The following DCHS2 variants were observed in gnomAD, a reference collection of about 807,000 sequenced individuals.
DCHS2 encodes dachsous cadherin-related 2.
A neutral mutation model predicts 182.4 loss-of-function variants in DCHS2; 142 were observed. That is an observed-to-expected ratio of 0.78 (90% confidence interval 0.68 to 0.89). The LOEUF (loss-of-function observed/expected upper bound fraction) is 0.89. Among genes scored for constraint, DCHS2 ranks in the 40% least tolerant of loss-of-function variants. DCHS2 has a pLI of 0.00. For missense variants in DCHS2, 4,319 were observed against 4,198.6 expected, an observed-to-expected ratio of 1.03 and a Z score of -0.79; for synonymous variants, 1,740 against 1,663.3, an observed-to-expected ratio of 1.05 and a Z score of -1.12.
intron 13 of DCHS2, among the ~76,000 whole-genome samples, chr4:154,295,014 A>G (rs919823226): frequency 6.6e-6 from 1 of 152,232 alleles, no homozygotes; most frequent in Non-Finnish European, 1.5e-5. Context: ...ACTGTAATCC[A>G]CATAACAATC....
In DCHS2 at chr4:154,235,542, T is replaced by C. The variant is rs1731432649; in HGVS notation, c.9110A>G (p.Asp3037Gly). ...ATCCCGGGTCACTCTCAAGTCCGCA[T>C]CTAAAGATGAGGTTTTCTTCTCCTC... ...NYEEKKTSSL[D>G]ADLRVTRDAS... Residue 3037 changes from aspartate (D) to glycine (G), a missense_variant, in exon 20 of 20, where the codon GAT becomes GGT. Transcript: ENST00000357232. The C allele has an allele frequency of 1.2e-6, 2 of 1,613,978 alleles. No homozygotes were observed. The highest frequency in any genetic ancestry group is 2.2e-5 in the East Asian group (1 of 44,884).
At chr4:154,362,161 A>G (rs1730153817) in intron 3 of DCHS2, among the ~76,000 whole-genome samples, 2 of 152,332 alleles carry the variant, frequency 1.3e-5, no homozygotes, top group Non-Finnish European at 2.9e-5. Context: ...CCCATTGTCA[A>G]GGCCAGACAG....
chr4:154,297,939 GA>G lies in DCHS2; in HGVS notation c.6374del (p.Leu2125ProfsTer11), dbSNP rs1427217856. The G allele has an allele frequency of 1.9e-5, 31 of 1,613,992 alleles. No individual in the cohort carries two copies. The highest frequency in any genetic ancestry group is 2.2e-5 in the Non-Finnish European group (26 of 1,180,004). On this transcript the variant is annotated frameshift_variant, in exon 13 of 20. Coordinates refer to ENST00000357232, the MANE Select transcript of DCHS2 (RefSeq NM_001358235.2). LOFTEE classifies it high-confidence loss of function. ...CTTCTCCTTCCATGTGAATGACCAA[GA>G]GACCCGTGGTTGTCCTGGCTGGAAT... ...QGIPARTTTG[L>X]LVIHMEGEDV... is the part of the protein sequence containing the mutation.
At chr4:154,317,005 AAG>A (rs1373342210) in intron 9 of DCHS2, among the ~76,000 whole-genome samples, 4 of 152,208 alleles carry the variant, frequency 2.6e-5, no homozygotes, top group Non-Finnish European at 4.4e-5. Context: ...GAAATAATGA[AAG>A]AAGTTTACGG....
At chr4:154,313,646 A>G (rs1026056647) in intron 10 of DCHS2, among the ~76,000 whole-genome samples, 1 of 152,188 alleles carries the variant, frequency 6.6e-6, no homozygotes, top group African/African-American at 2.4e-5. Flanking sequence ...AAAAAAAAAG[A>G]TTGAGGGAAA....
intron 14 of DCHS2, among the ~76,000 whole-genome samples, chr4:154,268,244 A>C (rs1733396795): frequency 6.8e-6 from 1 of 146,690 alleles, no homozygotes; most frequent in Non-Finnish European, 1.5e-5. Context: ...CCCCCCAAAA[A>C]AATAACGCTT....
intron 7 of DCHS2, among the ~76,000 whole-genome samples, chr4:154,324,454 C>G (rs1736199551): frequency 6.6e-6 from 1 of 152,196 alleles, no homozygotes; most frequent in Non-Finnish European, 1.5e-5. Flanking sequence ...ATTAGAGGTG[C>G]TCATCGTTTC....
intron 1 of DCHS2, among the ~76,000 whole-genome samples, chr4:154,442,430 T>A (rs907724271): frequency 1.3e-4 from 19 of 151,828 alleles, no homozygotes; most frequent in African/African-American, 3.9e-4. Flanking sequence ...TGACTGTACC[T>A]TGAATAATCC....
chr4:154,438,580 C>T (rs761785168), intron 1 of DCHS2, among the ~76,000 whole-genome samples: 2 of 152,106 alleles, frequency 1.3e-5, no homozygotes, highest in African/African-American at 2.4e-5. Context: ...ACTAGATTTG[C>T]GCTAACATCG....
chr4:154,235,810 G>A lies in DCHS2; in HGVS notation c.8842C>T (p.Leu2948Phe), dbSNP rs761858028. The change falls in exon 20 of 20, where the codon CTC becomes TTC. Residue 2948 changes from leucine (L) to phenylalanine (F), a missense_variant. Coordinates refer to ENST00000357232, the MANE Select transcript of DCHS2 (RefSeq NM_001358235.2). ...ATTTCCAAGGTGTCTTCTTTGTTGA[G>A]TTGACTTTTTATTAGGGGAAGGGCT... is the stretch of plus-strand genomic sequence containing the variant. The part of the protein sequence containing the change: ...IRALPLIKSQ[L>F]NKEDTLEMKI... The A allele has an allele frequency of 6.2e-6, 10 of 1,613,638 alleles. No individual in the cohort carries two copies. The South Asian group carries it at 9.9e-5, about 16-fold the overall frequency.
intron 13 of DCHS2, among the ~76,000 whole-genome samples, chr4:154,282,469 C>T (rs1734190570): frequency 6.6e-6 from 1 of 151,506 alleles, no homozygotes; most frequent in Non-Finnish European, 1.5e-5. Context: ...TTACCTTATA[C>T]CCATTAGGAT....
chr4:154,302,969 C>A (rs7686835), intron 12 of DCHS2, among the ~76,000 whole-genome samples: 7,187 of 21,248 alleles, frequency 0.34, 507 homozygotes, highest in South Asian at 0.42. Flanking sequence ...ACACACACAC[C>A]CACACACACA....
intron 14 of DCHS2, among the ~76,000 whole-genome samples, chr4:154,260,044 G>A (rs1003637694): frequency 3.3e-5 from 5 of 152,060 alleles, no homozygotes; most frequent in South Asian, 4.1e-4. Flanking sequence ...GTCTGGTCTC[G>A]AACTCCTGAC....
At chr4:154,423,216 TG>T (rs1733181996) in intron 1 of DCHS2, among the ~76,000 whole-genome samples, 2 of 152,370 alleles carry the variant, frequency 1.3e-5, no homozygotes, top group Admixed American at 6.5e-5. Context: ...TCCAGTCCAC[TG>T]GCCTAGCCCA....
chr4:154,272,938 T>C (rs138103017), intron 13 of DCHS2, among the ~76,000 whole-genome samples: 216 of 152,272 alleles, frequency 1.4e-3, no homozygotes, highest in African/African-American at 3.6e-3. Flanking sequence ...GCCTCCTGTT[T>C]ACTACTCACA....
chr4:154,259,527 C>A lies in DCHS2; in HGVS notation c.6789+18G>T, dbSNP rs769096694. 3.9e-5 allele frequency: 62 copies of A among 1,606,578 alleles called. No individual in the cohort carries two copies. The highest frequency in any genetic ancestry group is 4.8e-5 in the Non-Finnish European group (57 of 1,178,672). On this transcript the variant is annotated intron_variant, in intron 15 of 19. Coordinates refer to ENST00000357232, the MANE Select transcript of DCHS2 (RefSeq NM_001358235.2). ...ACACACACACACACACACACACACA[C>A]AAATATATTTCTGTTACCTGTATGA...
Position 154,333,497 on chromosome 4 carries a change from G to C in DCHS2, c.2714-3C>G. On this transcript the variant is annotated splice_polypyrimidine_tract_variant and splice_region_variant and intron_variant, in intron 4 of 19. Coordinates refer to ENST00000357232, the MANE Select transcript of DCHS2 (RefSeq NM_001358235.2). Reference sequence around the variant, plus strand: ...GTAAAAGATTGGTTCTGAGGAGTCTGAAAAAGAGAGAGGGGACAACCACTG... The same window carrying C: ...GTAAAAGATTGGTTCTGAGGAGTCTCAAAAAGAGAGAGGGGACAACCACTG... The C allele has an allele frequency of 6.2e-7, 1 of 1,600,764 alleles. No homozygotes were observed. Among genetic ancestry groups the C allele is most frequent in the South Asian group, 1.1e-5 (1 of 90,316 alleles).
At chr4:154,379,809 A>ACCTTCT (rs1243109421) in intron 1 of DCHS2, among the ~76,000 whole-genome samples, 2 of 152,070 alleles carry the variant, frequency 1.3e-5, no homozygotes, top group African/African-American at 4.8e-5. Flanking sequence ...TTCTCAATAA[A>ACCTTCT]CCTTCTCCTT....
intron 1 of DCHS2, among the ~76,000 whole-genome samples, chr4:154,390,110 T>TC (rs1731623001): frequency 2.0e-5 from 3 of 151,792 alleles, no homozygotes; most frequent in Non-Finnish European, 4.4e-5. Flanking sequence ...TAAATTTTTT[T>TC]ATTTTTTTTC....
Sources: gnomAD v4.1 joint callset for allele counts (sites outside exome capture counted in the v4.1 genomes callset) on GRCh38, gnomAD v4.1.1 for gene constraint, MANE v1.5 for transcripts, NCBI Gene and HGNC (gene_info 2026-07-23, HGNC 2026-07-21) for gene names.